The following MTM1 variants were observed in gnomAD, a reference collection of about 807,000 sequenced individuals.
MTM1 encodes the protein myotubularin.
A neutral mutation model predicts 52.1 loss-of-function variants in MTM1; 9 were observed. The ratio of observed to expected loss-of-function variants is 0.17; its 90% CI spans 0.10 to 0.30. MTM1 has a LOEUF of 0.30. Ranked by LOEUF, MTM1 falls within the 10% of genes least tolerant of loss-of-function variation. The pLI is 1.00. For missense variants in MTM1, 277 were observed against 470.7 expected, an observed-to-expected ratio of 0.59 and a Z score of 3.81; for synonymous variants, 136 against 163.8, an observed-to-expected ratio of 0.83 and a Z score of 1.29.
chrX:150,583,399 A>T (rs1306395368), intron 1 of MTM1, among the ~76,000 whole-genome samples: 3 of 35,277 alleles, frequency 8.5e-5, no homozygotes, highest in African/African-American at 1.1e-4. Context: ...ATATATATAA[A>T]TTATATATAT....
intron 10 of MTM1, among the ~76,000 whole-genome samples, chrX:150,654,294 C>T (rs1002250178): frequency 1.6e-4 from 18 of 110,564 alleles, no homozygotes; most frequent in Non-Finnish European, 2.5e-4. Flanking sequence ...GGAAGTATCT[C>T]GAGTGAGAGT....
chrX:150,640,214 A>G (rs2039825248), intron 7 of MTM1, among the ~76,000 whole-genome samples: 1 of 112,249 alleles, frequency 8.9e-6, no homozygotes, highest in Non-Finnish European at 1.9e-5. Flanking sequence ...TTTTTGAAGT[A>G]TTACTGATAA....
chrX:150,605,220 T>G (rs782268117), intron 4 of MTM1, among the ~76,000 whole-genome samples: 1 of 112,183 alleles, frequency 8.9e-6, no homozygotes, highest in Non-Finnish European at 1.9e-5. Context: ...TCGTGGTCAT[T>G]TCACACATCC....
chrX:150,583,384 A>AAT (rs1557411983), intron 1 of MTM1, among the ~76,000 whole-genome samples: 13 of 12,252 alleles, frequency 1.1e-3, no homozygotes, highest in African/African-American at 8.3e-3. Flanking sequence ...ATTATATATA[A>AAT]TATAATATAT....
intron 14 of MTM1, among the ~76,000 whole-genome samples, chrX:150,670,712 C>T (rs1557415111): frequency 2.7e-5 from 3 of 111,528 alleles, no homozygotes; most frequent in African/African-American, 9.8e-5. Context: ...TTGAAAAGAC[C>T]ATATTCTACT....
At chrX:150,612,446 C>T (rs1180175235) in intron 4 of MTM1, among the ~76,000 whole-genome samples, 1 of 111,804 alleles carries the variant, frequency 8.9e-6, no homozygotes, top group Non-Finnish European at 1.9e-5. Context: ...AATCCCAATA[C>T]TTTGAGAGGC....
At chrX:150,619,701 T>C (rs1246088792) in intron 6 of MTM1, among the ~76,000 whole-genome samples, 1 of 111,877 alleles carries the variant, frequency 8.9e-6, no homozygotes. Context: ...GAACAATCTT[T>C]CTTTATATCC....
intron 10 of MTM1, among the ~76,000 whole-genome samples, chrX:150,656,632 T>C (rs2148506636): frequency 8.9e-6 from 1 of 112,324 alleles, no homozygotes; most frequent in Non-Finnish European, 1.9e-5. Context: ...TTTTAACACC[T>C]GGGCACATTC....
chrX:150,583,899 T>TATATATATTAAATATATATATATATTTG (rs2038723356), intron 1 of MTM1, among the ~76,000 whole-genome samples: 1 of 28,437 alleles, frequency 3.5e-5, no homozygotes, highest in Admixed American at 6.6e-4. Flanking sequence ...ATATATTTGA[T>TATATATATTAAATATATATATATATTTG]ATATATATAT....
chrX:150,671,340 A>G, intron 14 of MTM1, 88 bp from the exon 15 acceptor site: 1 of 1,049,417 alleles, frequency 9.5e-7, no homozygotes, highest in Non-Finnish European at 1.3e-6. Flanking sequence ...TTATTTACAA[A>G]TCAGCAGTCA....
intron 2 of MTM1, among the ~76,000 whole-genome samples, chrX:150,595,321 C>T (rs1241431090): frequency 3.6e-5 from 4 of 110,748 alleles, no homozygotes; most frequent in African/African-American, 1.3e-4. Flanking sequence ...ATTAGCTGGG[C>T]GTGGTGGCAC....
At chrX:150,630,794 C>T (rs2039653748) in intron 6 of MTM1, among the ~76,000 whole-genome samples, 1 of 111,463 alleles carries the variant, frequency 9.0e-6, no homozygotes, top group South Asian at 3.8e-4. Context: ...TGTGGTGATT[C>T]GATAACAGGA....
At position 150,639,034 on chromosome X, in the gene MTM1, G is replaced by A; in HGVS notation, c.528+8G>A. On this transcript the variant is annotated splice_region_variant and intron_variant, in intron 7 of 14. Transcript: ENST00000370396. Reference sequence around the variant, plus strand: ...GAAGAATACAGGAGGCAGGTAAGATGTTAGATGCTATTGTCTGGTATGTGA... The same window carrying A: ...GAAGAATACAGGAGGCAGGTAAGATATTAGATGCTATTGTCTGGTATGTGA... 1.7e-6 allele frequency: 2 copies of A among 1,148,052 alleles called. No individual in the cohort carries two copies. The highest frequency in any genetic ancestry group is 1.8e-5 in the African/African-American group (1 of 56,704). 94.6% of individuals were successfully genotyped at this position (1,148,052 alleles called of 1,213,427 possible).
At chrX:150,579,991 C>T (rs2038550743) in intron 1 of MTM1, among the ~76,000 whole-genome samples, 1 of 110,111 alleles carries the variant, frequency 9.1e-6, no homozygotes, top group African/African-American at 3.3e-5. Flanking sequence ...CTTCTTTTTT[C>T]CAATATGTTA....
At chrX:150,585,242 A>G (rs1557412201) in intron 1 of MTM1, among the ~76,000 whole-genome samples, 3 of 111,665 alleles carry the variant, frequency 2.7e-5, no homozygotes, top group Admixed American at 9.6e-5. Context: ...ATGGCAGGTT[A>G]TCTCCAACCT....
chrX:150,657,293 A>G (rs1466112858), intron 10 of MTM1, among the ~76,000 whole-genome samples: 3 of 111,537 alleles, frequency 2.7e-5, no homozygotes, highest in Non-Finnish European at 5.6e-5. Context: ...CTATGCAGCC[A>G]TAAAACAGGA....
chrX:150,649,854 C>G lies in MTM1; in HGVS notation c.1006C>G (p.His336Asp), dbSNP rs782411443. 8.3e-7 allele frequency: 1 copy of G among 1,209,086 alleles called. No individual in the cohort carries two copies. Among genetic ancestry groups the G allele is most frequent in the Non-Finnish European group, 1.1e-6 (1 of 894,086 alleles). ...TGTTTATCCTAATGTAGAAGAATCT[C>G]ATTGGTTGTCCAGTTTGGAGTCTAC... Reference protein sequence around the residue: ...DIVYPNVEESHWLSSLESTHW... With the variant: ...DIVYPNVEESDWLSSLESTHW... Residue 336 changes from histidine (H) to aspartate (D), a missense_variant, in exon 10 of 15, where the codon CAT (histidine) becomes GAT (aspartate). Transcript: ENST00000370396.
At position 150,660,377 on chromosome X, in the gene MTM1, A is replaced by G. The variant is rs1557414638; in HGVS notation, c.1360A>G (p.Thr454Ala). The change falls in exon 13 of 15, where the codon ACA becomes GCA. Residue 454 changes from threonine (T) to alanine (A), a missense_variant. Around this residue, in one of 4 missense-constraint regions of MTM1, gnomAD observed 59 missense variants for 107.8 expected, o/e 0.55. Coordinates refer to ENST00000370396, the MANE Select transcript of MTM1 (RefSeq NM_000252.3). ...CVWQMSKQFP[T>A]AFEFNEQFLI... is the part of the protein sequence containing the mutation. ...TTTGCTTGTTTTTGTTTAGTTCCCT[A>G]CAGCTTTTGAATTCAATGAACAATT... The G allele has an allele frequency of 8.6e-7, 1 of 1,163,997 alleles. No individual in the cohort carries two copies. Among genetic ancestry groups the G allele is most frequent in the African/African-American group, 1.8e-5 (1 of 56,287 alleles).
At chrX:150,654,758 G>C (rs1268103842) in intron 10 of MTM1, among the ~76,000 whole-genome samples, 1 of 111,670 alleles carries the variant, frequency 9.0e-6, no homozygotes, top group Non-Finnish European at 1.9e-5. Flanking sequence ...TAATACATCA[G>C]ATCTTTCACT....
Sources: allele counts gnomAD v4.1 joint callset (sites outside exome capture counted in the v4.1 genomes callset), GRCh38; gene constraint gnomAD v4.1.1; regional missense constraint gnomAD v4.1.1; transcripts MANE v1.5; gene names NCBI Gene and HGNC (gene_info 2026-07-23, HGNC 2026-07-21).